Variants in ELF2 observed in about 807,000 individuals in gnomAD.
ELF2 encodes the protein E74 like ETS transcription factor 2.
ELF2 carries 11 observed loss-of-function variants against 54.8 expected under a neutral mutation model. The ratio of observed to expected loss-of-function variants is 0.20; its 90% CI spans 0.13 to 0.33. The LOEUF is 0.33. Ranked by LOEUF, ELF2 falls within the 10% of genes least tolerant of loss-of-function variation. The pLI, the probability that ELF2 is intolerant of heterozygous loss-of-function variation, is 1.00. For synonymous variants in ELF2, 203 were observed against 245.1 expected (o/e 0.83, Z 1.61); for missense variants, 513 against 703.0 (o/e 0.73, Z 3.06).
At chr4:139,084,047 G>C in intron 4 of ELF2, 1 of 1,602,426 alleles carries the variant, frequency 6.2e-7, no homozygotes, top group African/African-American at 1.3e-5. Flanking sequence ...CCCCAGCACA[G>C]ACTGCTACAG....
upstream of ELF2, among the ~76,000 whole-genome samples, chr4:139,177,400 C>A (rs1743085142): frequency 6.6e-6 from 1 of 151,914 alleles, no homozygotes; most frequent in South Asian, 2.1e-4. Flanking sequence ...CCAGTCACCG[C>A]AGCGCCTGTC....
At chr4:139,159,271 A>T (rs1235195659) in intron 1 of ELF2, among the ~76,000 whole-genome samples, 3 of 152,226 alleles carry the variant, frequency 2.0e-5, no homozygotes, top group Admixed American at 1.3e-4. Context: ...TGGAACACTG[A>T]ACAATGATTT....
chr4:139,115,345 C>T, intron 4 of ELF2: 3 of 1,326,150 alleles, frequency 2.3e-6, no homozygotes, highest in Non-Finnish European at 2.9e-6. Context: ...TCGCCAACGC[C>T]GCGCCCCCCG....
chr4:139,095,000 T>A (rs1054260256), intron 4 of ELF2, among the ~76,000 whole-genome samples: 9 of 152,176 alleles, frequency 5.9e-5, no homozygotes, highest in African/African-American at 2.2e-4. Context: ...ATCTGGATCA[T>A]CTCTTAAATT....
At chr4:139,111,838 A>G (rs543130044) in intron 4 of ELF2, among the ~76,000 whole-genome samples, 8 of 152,280 alleles carry the variant, frequency 5.3e-5, no homozygotes, top group African/African-American at 1.9e-4. Flanking sequence ...CTATACCCCA[A>G]ATCTGGAGAG....
chr4:139,177,239 G>T (rs1398204989), upstream of ELF2: 1 of 86,568 alleles, frequency 1.2e-5, no homozygotes, highest in Admixed American at 1.1e-4. Flanking sequence ...GCCCCGCTCC[G>T]CTCCCGGCCC....
At chr4:139,100,725 C>A (rs1238709868) in intron 4 of ELF2, 2 of 152,100 alleles carry the variant, frequency 1.3e-5, no homozygotes, top group East Asian at 1.9e-4. Context: ...TAAGTGAAAA[C>A]AATTTAAAAA....
chr4:139,169,940 A>T (rs1742113232), intron 1 of ELF2, among the ~76,000 whole-genome samples: 1 of 151,436 alleles, frequency 6.6e-6, no homozygotes, highest in Non-Finnish European at 1.5e-5. Flanking sequence ...TATTCCCATT[A>T]TAATGCCCAT....
intron 4 of ELF2, among the ~76,000 whole-genome samples, chr4:139,095,911 G>C (rs896964811): frequency 2.0e-5 from 3 of 152,054 alleles, no homozygotes. Context: ...GGGCACGGTG[G>C]CACACGCCTG....
chr4:139,114,894 C>T, intron 4 of ELF2: 1 of 1,609,972 alleles, frequency 6.2e-7, no homozygotes, highest in Non-Finnish European at 8.5e-7. Context: ...CAGCGATTGT[C>T]CTGTGGGAAC....
chr4:139,066,582 A>C (rs1291306772), intron 7 of ELF2: 1 of 152,142 alleles, frequency 6.6e-6, no homozygotes, highest in African/African-American at 2.4e-5. Flanking sequence ...TAATCAGGAT[A>C]CACAAATTCT....
chr4:139,151,031 A>AGAAAGAAAGAAAGAAAGAAAGAAAGAAAG lies in ELF2; in HGVS notation c.-251-11535_-251-11534insCTTTCTTTCTTTCTTTCTTTCTTTCTTTC, dbSNP rs1553971284. Among the ~76,000 whole-genome samples the AGAAAGAAAGAAAGAAAGAAAGAAAGAAAG allele has an allele frequency of 7.6e-5, 9 of 118,414 alleles. 2 individuals are homozygous for AGAAAGAAAGAAAGAAAGAAAGAAAGAAAG. The highest frequency in any genetic ancestry group is 2.7e-4 in the African/African-American group (8 of 29,620). The allele number at this position is 118,414 out of a possible 152,430, so 77.7% of individuals were successfully genotyped here. On this transcript the variant is annotated intron_variant, in intron 1 of 9. Coordinates refer to ENST00000686138, the MANE Select transcript of ELF2 (RefSeq NM_001331036.3). ...GGAACGAGGCTCCATCTCAAAAAAA[A>AGAAAGAAAGAAAGAAAGAAAGAAAGAAAG]AAAAGAAAGAAAGAAAGAAAGAAAG...
At chr4:139,103,690 T>A (rs1734139869) in intron 4 of ELF2, among the ~76,000 whole-genome samples, 1 of 152,208 alleles carries the variant, frequency 6.6e-6, no homozygotes, top group East Asian at 1.9e-4. Flanking sequence ...TCTGATGCTA[T>A]CTCCAAGTAG....
intron 4 of ELF2, among the ~76,000 whole-genome samples, chr4:139,122,951 G>A (rs924264926): frequency 2.0e-5 from 3 of 151,914 alleles, no homozygotes; most frequent in Non-Finnish European, 2.9e-5. Context: ...TTGGGAGGCC[G>A]AGGCGGGCAG....
chr4:139,159,832 G>T (rs1397881372), intron 1 of ELF2, among the ~76,000 whole-genome samples: 1 of 152,090 alleles, frequency 6.6e-6, no homozygotes, highest in Non-Finnish European at 1.5e-5. Context: ...AATGAAAGAG[G>T]ACCCTTGTGT....
intron 3 of ELF2, 37 bp downstream of exon 3, chr4:139,137,593 T>A (rs1267946984): frequency 6.3e-7 from 1 of 1,599,062 alleles, no homozygotes; most frequent in East Asian, 2.2e-5. Context: ...CAAATTTCTA[T>A]GAAGAAAATA....
intron 4 of ELF2, among the ~76,000 whole-genome samples, chr4:139,097,476 G>T (rs541585155): frequency 6.6e-6 from 1 of 152,138 alleles, no homozygotes; most frequent in East Asian, 1.9e-4. Context: ...AATTAGCCGG[G>T]TATGGTAGCA....
chr4:139,146,351 A>T (rs1374319326), intron 1 of ELF2, among the ~76,000 whole-genome samples: 1 of 152,232 alleles, frequency 6.6e-6, no homozygotes, highest in Non-Finnish European at 1.5e-5. Context: ...GAAGAACTAC[A>T]AACACTGATG....
intron 1 of ELF2, among the ~76,000 whole-genome samples, chr4:139,161,269 T>C (rs1741113997): frequency 6.6e-6 from 1 of 152,198 alleles, no homozygotes; most frequent in South Asian, 2.1e-4. Context: ...TTTAAATTTA[T>C]TGATGAAATA....
Sources: gnomAD v4.1 joint callset for allele counts (sites outside exome capture counted in the v4.1 genomes callset) on GRCh38, gnomAD v4.1.1 for gene constraint, MANE v1.5 for transcripts, NCBI Gene and HGNC (gene_info 2026-07-23, HGNC 2026-07-21) for gene names.